The following NTNG1 variants were observed in gnomAD, a reference collection of about 807,000 sequenced individuals.
NTNG1 encodes the protein netrin G1.
NTNG1 carries 16 observed loss-of-function variants against 54.0 expected under a neutral mutation model. The ratio of observed to expected loss-of-function variants is 0.30; its 90% CI spans 0.20 to 0.45. The LOEUF is 0.45. Ranked by LOEUF, NTNG1 falls within the 20% of genes least tolerant of loss-of-function variation. The pLI, the probability that NTNG1 is intolerant of heterozygous loss-of-function variation, is 1.00. For synonymous variants in NTNG1, 255 were observed against 263.1 expected (o/e 0.97, Z 0.30); for missense variants, 530 against 678.7 (o/e 0.78, Z 2.43).
At chr1:107,178,524 GT>G (rs1287193762) in intron 2 of NTNG1, among the ~76,000 whole-genome samples, 1 of 151,502 alleles carries the variant, frequency 6.6e-6, no homozygotes, top group Non-Finnish European at 1.5e-5. Flanking sequence ...TGTCTTTCTA[GT>G]TTTTGTTTTA....
At chr1:107,418,470 A>G (rs1674356895) in intron 5 of NTNG1, 1 of 635,022 alleles carries the variant, frequency 1.6e-6, no homozygotes, top group Non-Finnish European at 2.6e-6. Context: ...ATCACAGCCA[A>G]GTTAAAGAGC....
At chr1:107,331,302 CT>C (rs1414827237) in intron 3 of NTNG1, among the ~76,000 whole-genome samples, 9 of 152,030 alleles carry the variant, frequency 5.9e-5, no homozygotes, top group African/African-American at 2.2e-4. Flanking sequence ...ATCAATACAT[CT>C]TATGACTCTG....
chr1:107,436,766 C>T lies in NTNG1; in HGVS notation c.1357C>T (p.Leu453=). The change falls in exon 7 of 8, where the codon CTG becomes TTG. Residue 453 remains leucine (L), a synonymous_variant. Coordinates refer to ENST00000370068, the MANE Select transcript of NTNG1 (RefSeq NM_001113226.3). ...GTTGPKCDEC[L]PGNSWHYGCQ... is the part of the protein sequence containing the mutation. ...AACAGGGCCTAAGTGTGATGAGTGT[C>T]TGCCGGGAAATTCCTGGCACTACGG... is the stretch of plus-strand genomic sequence containing the variant. 1 of 1,613,374 alleles carries T rather than the reference C, an allele frequency of 6.2e-7. No homozygotes were observed. Among genetic ancestry groups the T allele is most frequent in the Non-Finnish European group, 8.5e-7 (1 of 1,179,506 alleles).
chr1:107,267,835 C>A (rs1479188649), intron 2 of NTNG1, among the ~76,000 whole-genome samples: 2 of 152,204 alleles, frequency 1.3e-5, no homozygotes, highest in Non-Finnish European at 2.9e-5. Flanking sequence ...TTCTCTCTGT[C>A]CTTCACTAGA....
intron 2 of NTNG1, among the ~76,000 whole-genome samples, chr1:107,304,943 G>A (rs998812140): frequency 4.6e-5 from 7 of 152,182 alleles, no homozygotes; most frequent in African/African-American, 1.7e-4. Context: ...GTGTCCATGT[G>A]TTCTCATTGT....
intron 2 of NTNG1, among the ~76,000 whole-genome samples, chr1:107,165,066 G>A (rs1655683647): frequency 6.6e-6 from 1 of 152,100 alleles, no homozygotes; most frequent in Admixed American, 6.6e-5. Flanking sequence ...GGTGACTCAG[G>A]ATGATTCAGG....
intron 2 of NTNG1, among the ~76,000 whole-genome samples, chr1:107,165,426 A>G (rs1655719561): frequency 6.6e-6 from 1 of 152,142 alleles, no homozygotes; most frequent in Admixed American, 6.5e-5. Context: ...TTGTCACTGA[A>G]ACTATGTTTT....
intron 2 of NTNG1, among the ~76,000 whole-genome samples, chr1:107,214,339 A>G (rs944312620): frequency 7.2e-5 from 11 of 152,164 alleles, no homozygotes; most frequent in Non-Finnish European, 1.5e-4. Context: ...CTCATAGCTT[A>G]GCTCTCACTT....
chr1:107,332,332 A>G (rs1017437158), intron 3 of NTNG1, among the ~76,000 whole-genome samples: 137 of 152,178 alleles, frequency 9.0e-4, no homozygotes, highest in African/African-American at 3.2e-3. Context: ...GTGGGTCGTT[A>G]AAGGGAAGAT....
At chr1:107,474,982 C>T in intron 7 of NTNG1, among the ~76,000 whole-genome samples, 1 of 152,114 alleles carries the variant, frequency 6.6e-6, no homozygotes, top group Admixed American at 6.5e-5. Flanking sequence ...GACATATTTG[C>T]CATTTTCAGC....
intron 6 of NTNG1, among the ~76,000 whole-genome samples, chr1:107,432,802 TTTCTC>T (rs1336811181): frequency 6.6e-6 from 1 of 152,130 alleles, no homozygotes; most frequent in East Asian, 1.9e-4. Flanking sequence ...TTCCATAAAA[TTTCTC>T]TTATCAGGTA....
intron 3 of NTNG1, among the ~76,000 whole-genome samples, chr1:107,389,277 T>A (rs535679459): frequency 6.6e-6 from 1 of 152,328 alleles, no homozygotes; most frequent in South Asian, 2.1e-4. Context: ...CCTGCATTCA[T>A]GTTTTTCTTC....
chr1:107,339,475 A>C (rs1051730121), intron 3 of NTNG1, among the ~76,000 whole-genome samples: 1 of 152,106 alleles, frequency 6.6e-6, no homozygotes, highest in Non-Finnish European at 1.5e-5. Context: ...TGAGAAATAT[A>C]CTATAATTTA....
chr1:107,147,157 G>A (rs951901478), intron 1 of NTNG1, among the ~76,000 whole-genome samples: 3 of 152,130 alleles, frequency 2.0e-5, no homozygotes, highest in African/African-American at 7.2e-5. Context: ...AGTTATGTAG[G>A]ATGCATTATC....
intron 2 of NTNG1, among the ~76,000 whole-genome samples, chr1:107,195,253 A>G (rs899441680): frequency 1.3e-5 from 2 of 152,114 alleles, no homozygotes; most frequent in Non-Finnish European, 2.9e-5. Context: ...CATCTGCCCC[A>G]TTAATAAATC....
chr1:107,246,266 AAT>A (rs1424956376), intron 2 of NTNG1, among the ~76,000 whole-genome samples: 12 of 152,236 alleles, frequency 7.9e-5, no homozygotes, highest in African/African-American at 2.6e-4. Flanking sequence ...TGTTAGCCAG[AAT>A]AGTCTCGATC....
Position 107,324,610 on chromosome 1 carries a change from C to G in NTNG1, c.575C>G (p.Ser192Cys). 6.2e-7 allele frequency: 1 copy of G among 1,613,638 alleles called. No individual in the cohort carries two copies. Among genetic ancestry groups the G allele is most frequent in the Non-Finnish European group, 8.5e-7 (1 of 1,179,802 alleles). The change falls in exon 3 of 8, where the codon TCC (serine) becomes TGC (cysteine). Residue 192 changes from serine to cysteine, a missense_variant. By Grantham distance (112) the Ser-to-Cys change is moderately radical (BLOSUM62 -1). Around this residue, in one of 2 missense-constraint regions of NTNG1, gnomAD observed 318 missense variants for 465.1 expected, o/e 0.68. Transcript: ENST00000370068. ...CLDAFHMDPK[S>C]VKDLSQHTVL... The stretch of plus-strand genomic sequence containing the variant: ...GATGCTTTTCACATGGATCCTAAAT[C>G]CGTGAAGGATTTATCACAGCATACG...
At chr1:107,378,047 A>G (rs1289321381) in intron 3 of NTNG1, among the ~76,000 whole-genome samples, 2 of 152,234 alleles carry the variant, frequency 1.3e-5, no homozygotes, top group Non-Finnish European at 2.9e-5. Context: ...ACTAAAGTAC[A>G]TTTTTACCAA....
intron 3 of NTNG1, among the ~76,000 whole-genome samples, chr1:107,353,779 T>G (rs1570747372): frequency 6.6e-6 from 1 of 152,208 alleles, no homozygotes; most frequent in African/African-American, 2.4e-5. Flanking sequence ...TTTAACTGGC[T>G]TATGTTTCCA....
Sources: gnomAD v4.1 joint callset for allele counts (sites outside exome capture counted in the v4.1 genomes callset) on GRCh38, gnomAD v4.1.1 for gene constraint, gnomAD v4.1.1 regional missense constraint, MANE v1.5 for transcripts, NCBI Gene and HGNC (gene_info 2026-07-23, HGNC 2026-07-21) for gene names.